DPP10: variants seen among roughly 807,000 people sequenced by gnomAD.
DPP10 encodes dipeptidyl peptidase like 10, also known as inactive dipeptidyl peptidase 10.
In DPP10, 33 loss-of-function variants were observed where a neutral mutation model predicts 120.9. The observed-to-expected ratio is 0.27, with a 90% CI of 0.21 to 0.37. The LOEUF is 0.37. Among genes scored for constraint, DPP10 ranks in the 10% least tolerant of loss-of-function variants. The pLI, the probability that DPP10 is intolerant of heterozygous loss-of-function variation, is 1.00. For missense variants in DPP10, 816 were observed against 942.8 expected, an observed-to-expected ratio of 0.87 and a Z score of 1.76; for synonymous variants, 337 against 326.1, an observed-to-expected ratio of 1.03 and a Z score of -0.36.
At chr2:115,278,730 A>G (rs565719045) in intron 1 of DPP10, among the ~76,000 whole-genome samples, 87 of 152,166 alleles carry the variant, frequency 5.7e-4, no homozygotes, top group African/African-American at 2.0e-3. Context: ...CAGTTGCCCC[A>G]AGGGAGGACA....
intron 1 of DPP10, among the ~76,000 whole-genome samples, chr2:114,739,738 T>C (rs895452681): frequency 1.3e-5 from 2 of 152,198 alleles, no homozygotes; most frequent in African/African-American, 2.4e-5. Flanking sequence ...TGGCAACGTT[T>C]AGATTTTCCT....
chr2:115,695,581 A>C (rs545568579), intron 7 of DPP10, among the ~76,000 whole-genome samples: 1 of 152,272 alleles, frequency 6.6e-6, no homozygotes, highest in Admixed American at 6.5e-5. Flanking sequence ...GAACAGCTTG[A>C]GAAAAACCTG....
At chr2:115,494,365 A>G (rs990632351) in intron 3 of DPP10, among the ~76,000 whole-genome samples, 1 of 152,152 alleles carries the variant, frequency 6.6e-6, no homozygotes, top group African/African-American at 2.4e-5. Flanking sequence ...TCTCTTCCCA[A>G]AAGTCTTGGG....
At chr2:115,504,275 CTT>C (rs5833604) in intron 4 of DPP10, among the ~76,000 whole-genome samples, 4 of 131,582 alleles carry the variant, frequency 3.0e-5, no homozygotes, top group South Asian at 2.4e-4. Flanking sequence ...CTATTGCCAA[CTT>C]TTTTTTTTTT....
At chr2:115,156,416 T>C (rs2051916081) in intron 1 of DPP10, among the ~76,000 whole-genome samples, 1 of 152,152 alleles carries the variant, frequency 6.6e-6, no homozygotes, top group African/African-American at 2.4e-5. Context: ...TAGGGGAAAA[T>C]TCATGGGAGA....
intron 1 of DPP10, among the ~76,000 whole-genome samples, chr2:115,209,042 C>G (rs1370459666): frequency 6.6e-6 from 1 of 152,100 alleles, no homozygotes; most frequent in Non-Finnish European, 1.5e-5. Context: ...TTGGCTAGCT[C>G]TAACTATTAA....
intron 7 of DPP10, among the ~76,000 whole-genome samples, chr2:115,703,006 C>A (rs1216148333): frequency 6.6e-6 from 1 of 151,654 alleles, no homozygotes; most frequent in Non-Finnish European, 1.5e-5. Context: ...CATTGTAGAA[C>A]GTTTTGAAAT....
At chr2:115,576,857 G>A (rs2081698886) in intron 5 of DPP10, among the ~76,000 whole-genome samples, 1 of 152,192 alleles carries the variant, frequency 6.6e-6, no homozygotes. Context: ...ACAATACAGA[G>A]TAATCTCTCA....
In DPP10 at chr2:115,459,283, A is replaced by G. The variant is rs184234430; in HGVS notation, c.272-40227A>G. On this transcript the variant is annotated intron_variant, in intron 3 of 25. Coordinates refer to ENST00000410059, the MANE Select transcript of DPP10 (RefSeq NM_020868.6). Reference sequence around the variant, plus strand: ...GTGATTCGTCTGCCTCAGCCTCCCAAGTAGCTGGAATTACAGGCACGTGCC... The same window carrying G: ...GTGATTCGTCTGCCTCAGCCTCCCAGGTAGCTGGAATTACAGGCACGTGCC... Among the ~76,000 whole-genome samples, 16 of 152,042 alleles carry G rather than the reference A, an allele frequency of 1.1e-4. 1 individual carries two copies. The East Asian group carries it at 3.1e-3, about 30-fold the overall frequency.
intron 7 of DPP10, among the ~76,000 whole-genome samples, chr2:115,692,248 T>C (rs1255283561): frequency 6.6e-6 from 1 of 152,034 alleles, no homozygotes; most frequent in Admixed American, 6.6e-5. Context: ...GTGACTGCAA[T>C]TGATGAGACA....
intron 5 of DPP10, among the ~76,000 whole-genome samples, chr2:115,583,398 T>C (rs1258335712): frequency 1.3e-5 from 2 of 152,206 alleles, no homozygotes; most frequent in African/African-American, 2.4e-5. Flanking sequence ...TGCTTGATAG[T>C]GTTCAGTTGC....
chr2:114,468,840 T>C (rs80300921), intron 1 of DPP10, among the ~76,000 whole-genome samples: 2,217 of 152,292 alleles, frequency 0.015, 59 homozygotes, highest in African/African-American at 0.05. Context: ...AATGAAATCA[T>C]ATCATTGAAA....
intron 1 of DPP10, among the ~76,000 whole-genome samples, chr2:114,953,409 C>T (rs1462844355): frequency 6.6e-6 from 1 of 152,080 alleles, no homozygotes; most frequent in Non-Finnish European, 1.5e-5. Context: ...ATAACTTCTG[C>T]TTCAAATCTG....
chr2:114,877,627 A>C (rs570983914), intron 1 of DPP10, among the ~76,000 whole-genome samples: 1 of 152,192 alleles, frequency 6.6e-6, no homozygotes, highest in East Asian at 1.9e-4. Context: ...GCATACAGGC[A>C]TGCTTTATTG....
At chr2:115,006,098 T>G (rs188127659) in intron 1 of DPP10, among the ~76,000 whole-genome samples, 67 of 152,248 alleles carry the variant, frequency 4.4e-4, no homozygotes, top group African/African-American at 1.5e-3. Flanking sequence ...CAATCCAGAA[T>G]TTCATATCCA....
chr2:115,376,622 A>G (rs1232939605), intron 3 of DPP10, among the ~76,000 whole-genome samples: 1 of 151,420 alleles, frequency 6.6e-6, no homozygotes, highest in Admixed American at 6.6e-5. Context: ...ACAGATGTAT[A>G]CATGTGCCAT....
intron 1 of DPP10, among the ~76,000 whole-genome samples, chr2:114,886,211 A>T (rs1692056462): frequency 6.6e-6 from 1 of 152,200 alleles, no homozygotes; most frequent in East Asian, 1.9e-4. Context: ...ATAATTCTGA[A>T]TAAGTAGATG....
chr2:115,200,650 C>T (rs2055639363), intron 1 of DPP10, among the ~76,000 whole-genome samples: 1 of 152,202 alleles, frequency 6.6e-6, no homozygotes, highest in Non-Finnish European at 1.5e-5. Context: ...GTCGATTTCT[C>T]TTGTCAATGC....
At chr2:115,818,820 C>T (rs769127271) in intron 21 of DPP10, among the ~76,000 whole-genome samples, 19 of 152,228 alleles carry the variant, frequency 1.2e-4, no homozygotes, top group Middle Eastern at 3.4e-3. Flanking sequence ...TCATTGTATA[C>T]TTGATGTGCC....
Sources: gnomAD v4.1 joint callset for allele counts (sites outside exome capture counted in the v4.1 genomes callset) on GRCh38, gnomAD v4.1.1 for gene constraint, MANE v1.5 for transcripts, NCBI Gene and HGNC (gene_info 2026-07-23, HGNC 2026-07-21) for gene names.